B9D1: variants seen among roughly 807,000 people sequenced by gnomAD.
B9D1 encodes the protein B9 domain containing 1.
B9D1 carries 20 observed loss-of-function variants against 26.1 expected under a neutral mutation model. The observed-to-expected ratio is 0.77, with a 90% CI of 0.54 to 1.12. B9D1 has a LOEUF of 1.12. Ranked by LOEUF, B9D1 falls within the 50% of genes most tolerant of loss-of-function variation. The probability of loss-of-function intolerance (pLI) is 0.00; values close to 1 mark genes in which losing one functional copy is unlikely to be tolerated. For synonymous variants in B9D1, 105 were observed against 103.1 expected (o/e 1.02, Z -0.11); for missense variants, 260 against 273.7 (o/e 0.95, Z 0.35).
In B9D1 at chr17:19,347,541, C is replaced by T. The variant is rs1319819346; in HGVS notation, c.342-210G>A. Reference sequence around the variant, plus strand: ...AGACAGCCTCATGGAGGTCAGAGTCCCTCAGGGTCTTTTCTTTTCTGGGTC... The same window carrying T: ...AGACAGCCTCATGGAGGTCAGAGTCTCTCAGGGTCTTTTCTTTTCTGGGTC... On this transcript the variant is annotated intron_variant, in intron 4 of 6. Transcript: ENST00000261499. This position sits in a 1 kb window ranked among gnomAD's most constrained non-coding sequence, Gnocchi z 4.3. Among the ~76,000 whole-genome samples the T allele has an allele frequency of 1.3e-5, 2 of 152,130 alleles. No individual in the cohort carries two copies. The highest frequency in any genetic ancestry group is 2.9e-5 in the Non-Finnish European group (2 of 68,022).
At chr17:19,336,413 C>CT (rs1160608246), downstream of B9D1, 1 of 152,520 alleles carries the variant, frequency 6.6e-6, no homozygotes, top group East Asian at 1.9e-4. Flanking sequence ...CATGATGTGA[C>CT]TTTGAGGCCC....
intron 3 of B9D1, among the ~76,000 whole-genome samples, chr17:19,354,114 T>G (rs895598818): frequency 2.0e-5 from 3 of 152,236 alleles, no homozygotes; most frequent in African/African-American, 7.2e-5. Flanking sequence ...GGGTTGTTTT[T>G]AGAAGTTATT....
At chr17:19,365,646 C>G (rs1325057603), upstream of B9D1, among the ~76,000 whole-genome samples, 5 of 152,154 alleles carry the variant, frequency 3.3e-5, no homozygotes, top group African/African-American at 1.2e-4. This position sits in a 1 kb window ranked among gnomAD's most constrained non-coding sequence, Gnocchi z 5.0. Flanking sequence ...CTCTTTCCAT[C>G]CAGCCCTGCG....
At chr17:19,365,157 G>A (rs766501737), upstream of B9D1, among the ~76,000 whole-genome samples, 5 of 152,364 alleles carry the variant, frequency 3.3e-5, no homozygotes, top group Middle Eastern at 6.8e-3. This position sits in a 1 kb window ranked among gnomAD's most constrained non-coding sequence, Gnocchi z 5.0. Flanking sequence ...GGTGAGCGAC[G>A]GAGGCCTTGC....
chr17:19,361,753 T>C (rs1446382208), intron 1 of B9D1, among the ~76,000 whole-genome samples: 2 of 152,090 alleles, frequency 1.3e-5, no homozygotes, highest in African/African-American at 2.4e-5. Context: ...TATAAAATAA[T>C]AATAAACACC....
At chr17:19,341,433 C>T (rs1243507219), downstream of B9D1, 1 of 749,248 alleles carries the variant, frequency 1.3e-6, no homozygotes, top group East Asian at 3.4e-5. Context: ...GTGAAGGAGC[C>T]CGTGTAGGAA....
intron 1 of B9D1, among the ~76,000 whole-genome samples, chr17:19,368,364 A>G (rs1244806486): frequency 6.6e-6 from 1 of 152,184 alleles, no homozygotes; most frequent in Non-Finnish European, 1.5e-5. Context: ...CACGGGAGAA[A>G]GTGCTTGGAG....
At chr17:19,343,718 A>G (rs749019215) in intron 6 of B9D1, 72 bp downstream of exon 6, 60 of 1,613,356 alleles carry the variant, frequency 3.7e-5, no homozygotes, top group Non-Finnish European at 4.9e-5. Context: ...ATTCACCCCA[A>G]CCCTGGGCCC....
intron 5 of B9D1, 30 bp from the exon 6 acceptor site, chr17:19,343,887 G>T: frequency 6.2e-7 from 1 of 1,613,424 alleles, no homozygotes; most frequent in Non-Finnish European, 8.5e-7. Flanking sequence ...CAGGTGAGCA[G>T]GGCCCCACCT....
chr17:19,359,078 A>G lies in B9D1; in HGVS notation c.133-1127T>C, dbSNP rs1598085872. Among the ~76,000 whole-genome samples, 1 of 151,826 alleles carries G rather than the reference A, an allele frequency of 6.6e-6. No individual in the cohort carries two copies. The highest frequency in any genetic ancestry group is 2.4e-5 in the African/African-American group (1 of 41,344). ...TACTTGCAGTCCAGCCCCTCCCACC[A>G]CCCCACTGCCACTGCCCTCCTCTCC... On this transcript the variant is annotated intron_variant, in intron 2 of 6. Coordinates refer to ENST00000261499, the MANE Select transcript of B9D1 (RefSeq NM_015681.6). The surrounding 1 kb of genome is among the most constrained non-coding windows in gnomAD (Gnocchi z 5.0).
At chr17:19,342,379 C>T (rs1302559418), downstream of B9D1, among the ~76,000 whole-genome samples, 1 of 152,050 alleles carries the variant, frequency 6.6e-6, no homozygotes, top group African/African-American at 2.4e-5. Context: ...GACGACAGTC[C>T]AGGGCAACAT....
At chr17:19,343,029 T>G (rs1908154522), downstream of B9D1, 1 of 1,281,866 alleles carries the variant, frequency 7.8e-7, no homozygotes, top group South Asian at 1.8e-5. Flanking sequence ...GCCATCCTGC[T>G]GCACGGTCTG....
At chr17:19,357,662 G>C (rs1273242004) in intron 3 of B9D1, 178 bp downstream of exon 3, 4 of 656,344 alleles carry the variant, frequency 6.1e-6, no homozygotes, top group African/African-American at 3.6e-5. Context: ...GGTGAGTGGG[G>C]ATGAGGAAGA....
chr17:19,343,151 G>C, downstream of B9D1: 1 of 1,443,870 alleles, frequency 6.9e-7, no homozygotes, highest in Non-Finnish European at 9.1e-7. Context: ...CTAAACAGGA[G>C]AGAAGGCAGC....
At chr17:19,340,960 A>T (rs1427017396), downstream of B9D1, 3 of 281,282 alleles carry the variant, frequency 1.1e-5, no homozygotes, top group Non-Finnish European at 1.8e-5. Flanking sequence ...TAAAAATAGG[A>T]TGGATTGAAG....
At chr17:19,354,314 T>C (rs1053519583) in intron 3 of B9D1, among the ~76,000 whole-genome samples, 1 of 152,210 alleles carries the variant, frequency 6.6e-6, no homozygotes, top group Non-Finnish European at 1.5e-5. Flanking sequence ...CCTCTCCCCA[T>C]GCCTCAGTCA....
intron 3 of B9D1, among the ~76,000 whole-genome samples, chr17:19,355,282 C>T (rs529215087): frequency 6.6e-6 from 1 of 152,252 alleles, no homozygotes; most frequent in African/African-American, 2.4e-5. Context: ...AACACCAGAA[C>T]TTTCTTAGGC....
chr17:19,356,837 A>G (rs2152272806), intron 3 of B9D1, among the ~76,000 whole-genome samples: 1 of 152,236 alleles, frequency 6.6e-6, no homozygotes, highest in African/African-American at 2.4e-5. Context: ...TGTGTATTAC[A>G]TTTACCTCTC....
intron 1 of B9D1, 71 bp from the exon 2 acceptor site, chr17:19,360,459 C>T (rs1036033037): frequency 2.0e-4 from 284 of 1,395,422 alleles, no homozygotes; most frequent in Non-Finnish European, 2.6e-4. Context: ...TAGGCAGGTG[C>T]AGCCAAGGGG....
Sources: allele counts gnomAD v4.1 joint callset (sites outside exome capture counted in the v4.1 genomes callset), GRCh38; gene constraint gnomAD v4.1.1; non-coding constraint Gnocchi (gnomAD v3.1); transcripts MANE v1.5; gene names NCBI Gene and HGNC (gene_info 2026-07-23, HGNC 2026-07-21).